RAB3B: variants seen among roughly 807,000 people sequenced by gnomAD.
The protein encoded by RAB3B is ras-related protein Rab-3B.
Under a neutral mutation model 20.5 loss-of-function variants are expected in RAB3B, and 11 were observed. The ratio of observed to expected loss-of-function variants is 0.54; its 90% CI spans 0.34 to 0.89. The LOEUF (loss-of-function observed/expected upper bound fraction) is 0.89, where lower values mean the gene tolerates loss of function less well. Ranked by LOEUF, RAB3B falls within the 40% of genes least tolerant of loss-of-function variation. RAB3B has a pLI of 0.02. For missense variants in RAB3B, 225 were observed against 280.9 expected (o/e 0.80, Z 1.42); for synonymous variants, 99 against 106.3 (o/e 0.93, Z 0.42).
chr1:51,989,331 A>G (rs1158258394), intron 1 of RAB3B, among the ~76,000 whole-genome samples: 2 of 149,438 alleles, frequency 1.3e-5, no homozygotes, highest in Non-Finnish European at 3.0e-5. Flanking sequence ...TGCCCTCCCC[A>G]AAGTTGCTTC....
chr1:51,968,731 A>G (rs1428192948), intron 2 of RAB3B, among the ~76,000 whole-genome samples: 1 of 152,234 alleles, frequency 6.6e-6, no homozygotes, highest in African/African-American at 2.4e-5. Flanking sequence ...AAATGACTCC[A>G]AAGCCATGTT....
At chr1:51,942,218 C>T (rs1684504033) in intron 2 of RAB3B, among the ~76,000 whole-genome samples, 1 of 152,216 alleles carries the variant, frequency 6.6e-6, no homozygotes, top group African/African-American at 2.4e-5. Flanking sequence ...GGCCTGAGCT[C>T]TCCTCAGTCT....
At chr1:51,975,271 T>G (rs1336105392) in intron 2 of RAB3B, among the ~76,000 whole-genome samples, 1 of 152,194 alleles carries the variant, frequency 6.6e-6, no homozygotes, top group Non-Finnish European at 1.5e-5. Flanking sequence ...AATCACAAAT[T>G]TTCAAAATTT....
intron 4 of RAB3B, among the ~76,000 whole-genome samples, chr1:51,923,854 G>T (rs1001719105): frequency 4.6e-5 from 7 of 151,976 alleles, no homozygotes. Flanking sequence ...ATAAATAAAT[G>T]AATACACAAA....
At chr1:51,935,833 T>C (rs1244570600) in intron 3 of RAB3B, among the ~76,000 whole-genome samples, 1 of 150,640 alleles carries the variant, frequency 6.6e-6, no homozygotes, top group African/African-American at 2.4e-5. Context: ...AGACCCAAGG[T>C]AGAGGGAAGA....
intron 2 of RAB3B, among the ~76,000 whole-genome samples, chr1:51,957,750 G>C (rs1318246382): frequency 1.3e-5 from 2 of 152,192 alleles, no homozygotes; most frequent in Non-Finnish European, 2.9e-5. Context: ...GTGAGCTAGA[G>C]CTGTAGGAAA....
chr1:51,972,390 C>T (rs77090393), intron 2 of RAB3B, among the ~76,000 whole-genome samples: 8,855 of 151,954 alleles, frequency 0.058, 281 homozygotes, highest in South Asian at 0.065. Flanking sequence ...TCACTCTTAG[C>T]GTTATGGACT....
intron 1 of RAB3B, among the ~76,000 whole-genome samples, chr1:51,990,274 C>A (rs1343311212): frequency 8.9e-6 from 1 of 112,862 alleles, no homozygotes; most frequent in East Asian, 3.1e-4. Context: ...CTCCAGTTGC[C>A]CCCCATCTCT....
chr1:51,942,530 C>T (rs1229191018), intron 2 of RAB3B, among the ~76,000 whole-genome samples: 1 of 152,138 alleles, frequency 6.6e-6, no homozygotes, highest in African/African-American at 2.4e-5. Flanking sequence ...GGGTGTGAAT[C>T]CCTATTCTAC....
intron 1 of RAB3B, among the ~76,000 whole-genome samples, chr1:51,987,275 T>C (rs1011632724): frequency 3.9e-5 from 6 of 152,180 alleles, no homozygotes; most frequent in African/African-American, 1.2e-4. Flanking sequence ...TTACCTTTTG[T>C]TGCAAAGAAC....
intron 1 of RAB3B, among the ~76,000 whole-genome samples, chr1:51,988,524 C>G (rs1426209855): frequency 2.0e-5 from 3 of 152,222 alleles, no homozygotes; most frequent in Non-Finnish European, 4.4e-5. Flanking sequence ...AAAACAGGAA[C>G]ACCTGCAGAA....
chr1:51,945,677 C>T (rs1448983598), intron 2 of RAB3B, among the ~76,000 whole-genome samples: 1 of 152,228 alleles, frequency 6.6e-6, no homozygotes, highest in African/African-American at 2.4e-5. Flanking sequence ...GGCCAGCTTC[C>T]CAGGGTCTGC....
chr1:51,909,618 G>A lies in RAB3B; in HGVS notation c.*10309C>T, dbSNP rs997966741. 6.6e-6 allele frequency: 1 copy of A among 152,258 alleles called. No homozygotes were observed. Among genetic ancestry groups the A allele is most frequent in the Non-Finnish European group, 1.5e-5 (1 of 68,120 alleles). The allele number at this position is 152,258 out of a possible 1,614,324, so 9.4% of individuals were successfully genotyped here. A position where few individuals can be genotyped will look rare whatever the true frequency, so the allele number is the denominator to read the frequency against. Reference sequence around the variant, plus strand: ...GAGGAAGTGCATGAGGTACCTTTCTGTCACATGACTGGTGGCAGACCCTAC... The same window carrying A: ...GAGGAAGTGCATGAGGTACCTTTCTATCACATGACTGGTGGCAGACCCTAC... On this transcript the variant is annotated 3_prime_UTR_variant, in exon 5 of 5. Transcript: ENST00000371655.
At chr1:51,968,154 T>C (rs776415426) in intron 2 of RAB3B, among the ~76,000 whole-genome samples, 1 of 152,146 alleles carries the variant, frequency 6.6e-6, no homozygotes, top group Non-Finnish European at 1.5e-5. Flanking sequence ...GCCCCCCAGA[T>C]GAGGCCCTCC....
chr1:51,976,367 A>T (rs761972896), intron 2 of RAB3B, among the ~76,000 whole-genome samples: 5 of 152,002 alleles, frequency 3.3e-5, no homozygotes, highest in Admixed American at 1.3e-4. Flanking sequence ...AGGTCTCACA[A>T]TGTTGCCCAG....
intron 2 of RAB3B, among the ~76,000 whole-genome samples, chr1:51,953,535 G>A (rs1684667940): frequency 6.6e-6 from 1 of 152,248 alleles, no homozygotes; most frequent in Non-Finnish European, 1.5e-5. Context: ...CAGGCACGGT[G>A]GCTTGCTCCT....
intron 2 of RAB3B, among the ~76,000 whole-genome samples, chr1:51,947,802 AC>A (rs1684585313): frequency 6.6e-6 from 1 of 152,018 alleles, no homozygotes; most frequent in African/African-American, 2.4e-5. Flanking sequence ...TTAAAAGGAA[AC>A]CTTAGAAGTC....
At chr1:51,948,955 G>T (rs934939002) in intron 2 of RAB3B, among the ~76,000 whole-genome samples, 8 of 152,174 alleles carry the variant, frequency 5.3e-5, no homozygotes, top group African/African-American at 1.4e-4. Flanking sequence ...ATGTATGGGG[G>T]TGTCTGTAAC....
At chr1:51,944,204 C>T (rs1684532823) in intron 2 of RAB3B, among the ~76,000 whole-genome samples, 3 of 152,190 alleles carry the variant, frequency 2.0e-5, no homozygotes, top group African/African-American at 7.2e-5. Context: ...CTCTAGAAAT[C>T]GAACAACTAA....
Sources: allele counts gnomAD v4.1 joint callset (sites outside exome capture counted in the v4.1 genomes callset), GRCh38; gene constraint gnomAD v4.1.1; transcripts MANE v1.5; gene names NCBI Gene and HGNC (gene_info 2026-07-23, HGNC 2026-07-21).